Variants in NHLRC2 observed in about 807,000 individuals in gnomAD.
NHLRC2 encodes NHL repeat-containing protein 2.
In NHLRC2, 33 loss-of-function variants were observed where a neutral mutation model predicts 68.1. That is an observed-to-expected ratio of 0.48 (90% confidence interval 0.37 to 0.65). The LOEUF (loss-of-function observed/expected upper bound fraction) is 0.65. Among genes scored for constraint, NHLRC2 ranks in the 30% least tolerant of loss-of-function variants. The probability of loss-of-function intolerance (pLI) is 0.00; values close to 1 mark genes in which losing one functional copy is unlikely to be tolerated. For synonymous variants in NHLRC2, 311 were observed against 309.6 expected (o/e 1.00, Z -0.05); for missense variants, 761 against 853.8 (o/e 0.89, Z 1.35).
In NHLRC2 at chr10:113,876,602, G is replaced by A. The variant is rs750784969; in HGVS notation, c.413G>A (p.Arg138Gln). The change falls in exon 3 of 11, where the codon CGA becomes CAA. Residue 138 changes from arginine to glutamine, a missense_variant. By Grantham distance (43) the Arg-to-Gln change is conservative. Coordinates refer to ENST00000369301, the MANE Select transcript of NHLRC2 (RefSeq NM_198514.4). ...GATAACATTAAGAGTGCTGTTCTTCGATACAACATCACCCACCCTATGGTT... is the reference window on the plus strand; with the variant it reads ...GATAACATTAAGAGTGCTGTTCTTCAATACAACATCACCCACCCTATGGTT... The part of the protein sequence containing the change: ...VLDNIKSAVL[R>Q]YNITHPMVND... The A allele has an allele frequency of 6.2e-7, 1 of 1,613,468 alleles. No individual in the cohort carries two copies. Among genetic ancestry groups the A allele is most frequent in the Non-Finnish European group, 8.5e-7 (1 of 1,179,584 alleles).
In NHLRC2 at chr10:113,874,442, TTGTGTGTGTGTGTGTG is replaced by T. The variant is rs58207579; in HGVS notation, c.332-2041_332-2026del. 1.8e-3 allele frequency among the ~76,000 whole-genome samples: 231 copies of T among 125,744 alleles called. 1 individual carries two copies. Among genetic ancestry groups the T allele is most frequent in the South Asian group, 4.1e-3 (14 of 3,418 alleles). The allele number at this position is 125,744 out of a possible 152,430, so 82.5% of individuals were successfully genotyped here. A position where few individuals can be genotyped will look rare whatever the true frequency, so the allele number is the denominator to read the frequency against. ...TCCCAGCTGCTTTCAAGGCATGTGT[TTGTGTGTGTGTGTGTG>T]TGTGTGTGTGTGTGTGTGTGTGTGT... is the stretch of plus-strand genomic sequence containing the variant. On this transcript the variant is annotated intron_variant, in intron 2 of 10. Coordinates refer to ENST00000369301, the MANE Select transcript of NHLRC2 (RefSeq NM_198514.4).
intron 6 of NHLRC2, among the ~76,000 whole-genome samples, chr10:113,900,180 G>A (rs1329891673): frequency 6.6e-6 from 1 of 152,166 alleles, no homozygotes; most frequent in South Asian, 2.1e-4. Context: ...TTTAAGCTGG[G>A]AAGTGACATG....
rs1351055516 is a variant in NHLRC2, at chr10:113,901,837, A to T, written c.1311A>T (p.Arg437Ser). 1 of 1,614,174 alleles carries T rather than the reference A, an allele frequency of 6.2e-7. No individual in the cohort carries two copies. The highest frequency in any genetic ancestry group is 8.5e-7 in the Non-Finnish European group (1 of 1,180,018). Residue 437 changes from arginine (R) to serine (S), a missense_variant, in exon 7 of 11, where the codon AGA becomes AGT. By Grantham distance (110) the Arg-to-Ser change is moderately radical (BLOSUM62 -1). Coordinates refer to ENST00000369301, the MANE Select transcript of NHLRC2 (RefSeq NM_198514.4). ...CAGATAGTGAGAGCAGTACAGTGAG[A>T]ACCGTTTCACTGAAAGATGGAGCAG... ...FVADSESSTV[R>S]TVSLKDGAVK...
intron 5 of NHLRC2, among the ~76,000 whole-genome samples, chr10:113,889,248 A>G (rs1445477890): frequency 1.3e-5 from 2 of 152,150 alleles, no homozygotes; most frequent in East Asian, 3.9e-4. Context: ...TTTTCCCTAG[A>G]TAGAAGTTTA....
chr10:113,905,187 C>T lies in NHLRC2; in HGVS notation c.1924+151C>T, dbSNP rs1589549838. 1.3e-5 allele frequency: 6 copies of T among 445,774 alleles called. No homozygotes were observed. In the East Asian group the frequency reaches 2.1e-4, roughly 16 times the overall value. The allele number at this position is 445,774 out of a possible 1,614,324, so 27.6% of individuals were successfully genotyped here. A position where few individuals can be genotyped will look rare whatever the true frequency, so the allele number is the denominator to read the frequency against. Reference sequence around the variant, plus strand: ...GAATCCAGATCCAACCCCACATTGGCCATTTGCTTTACTCATCAAGAGTCT... The same window carrying T: ...GAATCCAGATCCAACCCCACATTGGTCATTTGCTTTACTCATCAAGAGTCT... On this transcript the variant is annotated intron_variant, in intron 10 of 10. Transcript: ENST00000369301.
rs1845728584 is a variant in NHLRC2 at position 113,854,890 on chromosome 10, C to T, written c.18C>T (p.Gly6=). ...GCGGAAACATGGCGGCGCCCGGAGG[C>T]CGGGGCCGCAGCCTCTCCGGCCTGC... MAAPG[G]RGRSLSGLLP... is the part of the protein sequence containing the mutation. Residue 6 remains glycine (G), a synonymous_variant, in exon 1 of 11, where the codon GGC becomes GGT. Transcript: ENST00000369301. 6.5e-7 allele frequency: 1 copy of T among 1,546,714 alleles called. No homozygotes were observed.
chr10:113,855,634 GTTGTTTTGTT>G (rs370457817), intron 1 of NHLRC2, among the ~76,000 whole-genome samples: 1,556 of 151,208 alleles, frequency 0.01, 26 homozygotes, highest in African/African-American at 0.033. Flanking sequence ...CGCCTGGCTA[GTTGTTTTGTT>G]TTGTTTTGTT....
At chr10:113,857,489 A>G (rs542129971) in intron 1 of NHLRC2, among the ~76,000 whole-genome samples, 1 of 152,240 alleles carries the variant, frequency 6.6e-6, no homozygotes, top group Non-Finnish European at 1.5e-5. Context: ...TTGAGTAACA[A>G]CAGTTATTGT....
rs181666004 is a variant in NHLRC2 at position 113,886,954 on chromosome 10, A to T, written c.1039+2574A>T. On this transcript the variant is annotated intron_variant, in intron 5 of 10. Transcript: ENST00000369301. ...GAGACAACCTATGGGTTGGGAGAAA[A>T]TATCTGCAAACCATATAACCAATAA... Among the ~76,000 whole-genome samples the T allele has an allele frequency of 5.1e-3, 770 of 152,322 alleles. 6 individuals carry two copies. Among genetic ancestry groups the T allele is most frequent in the African/African-American group, 0.017 (727 of 41,578 alleles).
Position 113,915,634 on chromosome 10 carries a change from T to A in NHLRC2, c.*7098T>A, listed in dbSNP as rs981353084. 53 of 233,934 alleles carry A rather than the reference T, an allele frequency of 2.3e-4. No homozygotes were observed. Among genetic ancestry groups the A allele is most frequent in the African/African-American group, 1.0e-3 (42 of 42,196 alleles). 14.5% of individuals were successfully genotyped at this position (233,934 alleles called of 1,614,324 possible). On this transcript the variant is annotated 3_prime_UTR_variant, in exon 11 of 11. Transcript: ENST00000369301. Reference sequence around the variant, plus strand: ...CAATTAAAATAGTTTTTTTTTCCCTTCCCATTTTTTTGTTTTTAAGAGATA... The same window carrying A: ...CAATTAAAATAGTTTTTTTTTCCCTACCCATTTTTTTGTTTTTAAGAGATA...
chr10:113,899,790 T>C (rs1481294220), intron 6 of NHLRC2, among the ~76,000 whole-genome samples: 1 of 152,014 alleles, frequency 6.6e-6, no homozygotes, highest in East Asian at 1.9e-4. Context: ...TGGTGGCGCT[T>C]GCCTGTAATC....
intron 4 of NHLRC2, among the ~76,000 whole-genome samples, chr10:113,880,631 A>T (rs11815031): frequency 0.03 from 4,600 of 151,972 alleles, 240 homozygotes; most frequent in African/African-American, 0.11. Context: ...ACTTATATAC[A>T]CATAGTAGAA....
chr10:113,898,219 A>C lies in NHLRC2; in HGVS notation c.1139+10A>C. 1 of 1,573,076 alleles carries C rather than the reference A, an allele frequency of 6.4e-7. No individual in the cohort carries two copies. On this transcript the variant is annotated intron_variant, in intron 6 of 10. Transcript: ENST00000369301. The stretch of plus-strand genomic sequence containing the variant: ...AACTGCCAAAGAAAAAGTAAGTGAC[A>C]GCCTCTCTCTTTGAGTAGACTGTAC...
chr10:113,897,263 A>G (rs1478995183), intron 5 of NHLRC2, among the ~76,000 whole-genome samples: 2 of 152,174 alleles, frequency 1.3e-5, no homozygotes, highest in Non-Finnish European at 2.9e-5. Flanking sequence ...GAAATAAGCA[A>G]TTCTAAACTG....
Position 113,880,336 on chromosome 10 carries a change from T to C in NHLRC2, c.909+641T>C, listed in dbSNP as rs555577055. On this transcript the variant is annotated intron_variant, in intron 4 of 10. Coordinates refer to ENST00000369301, the MANE Select transcript of NHLRC2 (RefSeq NM_198514.4). ...CAAATGTAATGATGCTATGCATACA[T>C]AATGTTTTGCAGGTTTTTCTAACTT... Among the ~76,000 whole-genome samples, 8 of 152,120 alleles carry C rather than the reference T, an allele frequency of 5.3e-5. 1 individual carries two copies. In the South Asian group the frequency reaches 1.7e-3, roughly 32 times the overall value.
In NHLRC2 at chr10:113,876,829, T is replaced by A; in HGVS notation, c.640T>A (p.Tyr214Asn). ...AGATAATAAAATTGGAATAAAACTC[T>A]ATAAAGATTCTTTGCCACCTTCACC... The part of the protein sequence containing the change: ...IRDNKIGIKL[Y>N]KDSLPPSPLL... The change falls in exon 3 of 11, where the codon TAT becomes AAT. Residue 214 changes from tyrosine to asparagine, a missense_variant. Physicochemically the swap from Tyr to Asn is moderately radical, Grantham distance 143 (BLOSUM62 -2). Transcript: ENST00000369301. 6.2e-7 allele frequency: 1 copy of A among 1,612,948 alleles called. No individual in the cohort carries two copies. The highest frequency in any genetic ancestry group is 8.5e-7 in the Non-Finnish European group (1 of 1,179,170).
intron 2 of NHLRC2, among the ~76,000 whole-genome samples, chr10:113,875,961 A>G (rs1037461861): frequency 5.3e-5 from 8 of 151,052 alleles, no homozygotes; most frequent in Admixed American, 4.6e-4. Context: ...TATTGATTAG[A>G]TAAGAGAAGT....
chr10:113,865,823 C>A (rs1006593718), intron 2 of NHLRC2, among the ~76,000 whole-genome samples: 1 of 152,062 alleles, frequency 6.6e-6, no homozygotes. Flanking sequence ...TTCATAAAAG[C>A]AGACATAACC....
intron 9 of NHLRC2, among the ~76,000 whole-genome samples, chr10:113,904,096 TTG>T (rs1846252807): frequency 2.0e-5 from 3 of 151,124 alleles, no homozygotes; most frequent in African/African-American, 7.3e-5. Flanking sequence ...CTTATTGTTT[TTG>T]TTTTTTTTTT....
Sources: gnomAD v4.1 joint callset for allele counts (sites outside exome capture counted in the v4.1 genomes callset) on GRCh38, gnomAD v4.1.1 for gene constraint, MANE v1.5 for transcripts, NCBI Gene and HGNC (gene_info 2026-07-23, HGNC 2026-07-21) for gene names.